The following KCNJ6 variants were observed in gnomAD, a reference collection of about 807,000 sequenced individuals.
The protein encoded by KCNJ6 is potassium inwardly rectifying channel subfamily J member 6.
In KCNJ6, 9 loss-of-function variants were observed where a neutral mutation model predicts 34.2. The ratio of observed to expected loss-of-function variants is 0.26; its 90% confidence interval spans 0.16 to 0.46. KCNJ6 has a LOEUF of 0.46. Ranked by LOEUF, KCNJ6 falls within the 20% of genes least tolerant of loss-of-function variation. The pLI is 1.00. For missense variants in KCNJ6, 236 were observed against 531.3 expected (o/e 0.44, Z 5.46); for synonymous variants, 196 against 207.1 (o/e 0.95, Z 0.46).
At chr21:37,890,065 T>C (rs964105065) in intron 1 of KCNJ6, among the ~76,000 whole-genome samples, 5 of 152,212 alleles carry the variant, frequency 3.3e-5, no homozygotes, top group African/African-American at 1.2e-4. Context: ...TCCATATTAG[T>C]CTTCTCATAC....
chr21:37,638,292 G>A (rs752856033), intron 3 of KCNJ6, among the ~76,000 whole-genome samples: 20 of 152,070 alleles, frequency 1.3e-4, no homozygotes, highest in African/African-American at 2.4e-4. Flanking sequence ...GATTAGAGGC[G>A]TGTACCACCA....
At position 37,625,389 on chromosome 21, in the gene KCNJ6, C is replaced by T. The variant is rs1255769658; in HGVS notation, c.1042G>A (p.Glu348Lys). 8 of 1,614,148 alleles carry T rather than the reference C, an allele frequency of 5.0e-6. No homozygotes were observed. Among genetic ancestry groups the T allele is most frequent in the East Asian group, 2.2e-5 (1 of 44,866 alleles). ...TCATGGAAGCTGTTGTAGTCAACTT[C>T]GTAGAACCCGTCCTCCAGGGTCAGG... Reference protein sequence around the residue: ...PVLTLEDGFYEVDYNSFHETY... With the variant: ...PVLTLEDGFYKVDYNSFHETY... Residue 348 changes from glutamate (E) to lysine (K), a missense_variant, in exon 4 of 4, where the codon GAA becomes AAA. Transcript: ENST00000609713.
At chr21:37,841,397 G>A (rs1466835765) in intron 1 of KCNJ6, among the ~76,000 whole-genome samples, 1 of 152,046 alleles carries the variant, frequency 6.6e-6, no homozygotes, top group Non-Finnish European at 1.5e-5. Context: ...ACAGTTCTTT[G>A]GGTTTAATTT....
chr21:37,796,841 C>T (rs1209588683), intron 2 of KCNJ6, among the ~76,000 whole-genome samples: 11 of 122,746 alleles, frequency 9.0e-5, no homozygotes, highest in South Asian at 2.7e-4. Context: ...GGCCGGACTG[C>T]GGACTGCAGT....
intron 2 of KCNJ6, among the ~76,000 whole-genome samples, chr21:37,747,035 ACTGTGTGAGCC>A (rs753591282): frequency 1.8e-4 from 28 of 152,222 alleles, no homozygotes; most frequent in Admixed American, 3.9e-4. Flanking sequence ...TGTGCAGAGC[ACTGTGTGAGCC>A]CTGCTGGAAG....
intron 2 of KCNJ6, among the ~76,000 whole-genome samples, chr21:37,730,426 A>G (rs74851531): frequency 0.016 from 2,438 of 152,316 alleles, 74 homozygotes; most frequent in African/African-American, 0.056. Flanking sequence ...CCTCAACTGC[A>G]TAATGAAAAT....
Position 37,618,305 on chromosome 21 carries a change from C to T in KCNJ6, c.*6854G>A, listed in dbSNP as rs1028084119. 1.3e-5 allele frequency: 2 copies of T among 152,230 alleles called. No individual in the cohort carries two copies. Among genetic ancestry groups the T allele is most frequent in the African/African-American group, 4.8e-5 (2 of 41,470 alleles). The allele number at this position is 152,230 out of a possible 1,614,324, so 9.4% of individuals were successfully genotyped here. A position where few individuals can be genotyped will look rare whatever the true frequency, so the allele number is the denominator to read the frequency against. Reference sequence around the variant, plus strand: ...AGTGATAAGACCCAAGACTGACATACTCCATAAGGCATTCAGCCTGGACTA... The same window carrying T: ...AGTGATAAGACCCAAGACTGACATATTCCATAAGGCATTCAGCCTGGACTA... On this transcript the variant is annotated 3_prime_UTR_variant, in exon 4 of 4. Transcript: ENST00000609713.
chr21:37,897,433 G>GACCC (rs1215434816), intron 1 of KCNJ6, among the ~76,000 whole-genome samples: 1 of 152,196 alleles, frequency 6.6e-6, no homozygotes, highest in Non-Finnish European at 1.5e-5. Flanking sequence ...TGGGAGAAAT[G>GACCC]ACCCACCACA....
At chr21:37,656,113 C>A (rs766853372) in intron 3 of KCNJ6, among the ~76,000 whole-genome samples, 23 of 152,156 alleles carry the variant, frequency 1.5e-4, no homozygotes, top group Non-Finnish European at 2.6e-4. Context: ...CTGGACTCAG[C>A]GTGATGCTGC....
At chr21:37,701,284 G>A (rs899807908) in intron 3 of KCNJ6, among the ~76,000 whole-genome samples, 9 of 152,190 alleles carry the variant, frequency 5.9e-5, no homozygotes, top group Non-Finnish European at 1.0e-4. Context: ...GCAGGTGGAG[G>A]AAGGGAACCT....
At chr21:37,911,671 G>T (rs976022576) in intron 1 of KCNJ6, among the ~76,000 whole-genome samples, 1 of 151,952 alleles carries the variant, frequency 6.6e-6, no homozygotes, top group Non-Finnish European at 1.5e-5. Context: ...CCTATTTCTG[G>T]TCCATTTCCA....
intron 3 of KCNJ6, among the ~76,000 whole-genome samples, chr21:37,710,667 G>A (rs1209500348): frequency 2.6e-5 from 4 of 152,240 alleles, no homozygotes; most frequent in African/African-American, 7.2e-5. Flanking sequence ...GCCCAGCGCT[G>A]CGTGGCTGTC....
At chr21:37,845,840 C>T (rs1238175338) in intron 1 of KCNJ6, among the ~76,000 whole-genome samples, 1 of 152,166 alleles carries the variant, frequency 6.6e-6, no homozygotes, top group African/African-American at 2.4e-5. Flanking sequence ...TTCCACACCC[C>T]TGCTCCAGAA....
At chr21:37,898,913 A>G (rs1400977943) in intron 1 of KCNJ6, among the ~76,000 whole-genome samples, 1 of 152,200 alleles carries the variant, frequency 6.6e-6, no homozygotes, top group African/African-American at 2.4e-5. Context: ...TATGATGATG[A>G]CCCTCTCTTT....
At chr21:37,780,373 A>G (rs2055163376) in intron 2 of KCNJ6, among the ~76,000 whole-genome samples, 1 of 152,216 alleles carries the variant, frequency 6.6e-6, no homozygotes, top group African/African-American at 2.4e-5. Context: ...ACCCTTTTGT[A>G]TGATAATGTA....
chr21:37,686,827 A>G (rs564544745), intron 3 of KCNJ6, among the ~76,000 whole-genome samples: 2 of 152,038 alleles, frequency 1.3e-5, no homozygotes, highest in African/African-American at 2.4e-5. Context: ...TTATTTGGTC[A>G]TGGCCTCAAA....
At chr21:37,749,541 G>T (rs578176497) in intron 2 of KCNJ6, among the ~76,000 whole-genome samples, 3 of 152,282 alleles carry the variant, frequency 2.0e-5, no homozygotes, top group African/African-American at 7.2e-5. Context: ...CTCTGCCATG[G>T]AGACAAAGTG....
At chr21:37,727,610 A>G (rs1341721796) in intron 2 of KCNJ6, among the ~76,000 whole-genome samples, 2 of 152,302 alleles carry the variant, frequency 1.3e-5, no homozygotes, top group East Asian at 1.9e-4. Context: ...AGAGCCGGTT[A>G]TAAGGAAGAG....
At chr21:37,719,570 C>T (rs2054813477) in intron 2 of KCNJ6, 1 of 152,184 alleles carries the variant, frequency 6.6e-6, no homozygotes, top group Admixed American at 6.5e-5. Context: ...AAGAATGGCG[C>T]TGAGAACTTT....
Sources: gnomAD v4.1 joint callset for allele counts (sites outside exome capture counted in the v4.1 genomes callset) on GRCh38, gnomAD v4.1.1 for gene constraint, MANE v1.5 for transcripts, NCBI Gene and HGNC (gene_info 2026-07-23, HGNC 2026-07-21) for gene names.